Variants in RALGAPB observed in about 807,000 individuals in gnomAD.
The protein encoded by RALGAPB is Ral GTPase activating protein non-catalytic subunit beta.
RALGAPB carries 25 observed loss-of-function variants against 161.1 expected under a neutral mutation model. That is an observed-to-expected ratio of 0.16 (90% confidence interval 0.11 to 0.22). RALGAPB has a LOEUF of 0.22. Ranked by LOEUF, RALGAPB falls within the 10% of genes least tolerant of loss-of-function variation. RALGAPB has a pLI of 1.00. For missense variants in RALGAPB, 1,391 were observed against 1,815.2 expected (o/e 0.77, Z 4.25); for synonymous variants, 629 against 626.1 (o/e 1.00, Z -0.07).
At chr20:38,490,680 A>T (rs1359923508) in intron 2 of RALGAPB, among the ~76,000 whole-genome samples, 1 of 147,420 alleles carries the variant, frequency 6.8e-6, no homozygotes, top group Non-Finnish European at 1.5e-5. Context: ...CTAATTTTGT[A>T]TTTTTTTTAG....
At chr20:38,500,767 A>G (rs1165642654) in intron 5 of RALGAPB, among the ~76,000 whole-genome samples, 2 of 152,244 alleles carry the variant, frequency 1.3e-5, no homozygotes, top group Non-Finnish European at 2.9e-5. Flanking sequence ...GAAGGAAATT[A>G]AACATGCTAC....
chr20:38,515,599 A>G (rs2086100838), intron 6 of RALGAPB, among the ~76,000 whole-genome samples: 1 of 152,260 alleles, frequency 6.6e-6, no homozygotes, highest in African/African-American at 2.4e-5. Context: ...TAAAACTATT[A>G]ACACTAATCC....
intron 5 of RALGAPB, among the ~76,000 whole-genome samples, chr20:38,502,581 T>C (rs2085627472): frequency 6.6e-6 from 1 of 151,964 alleles, no homozygotes; most frequent in African/African-American, 2.4e-5. Context: ...ATGTGTTTTC[T>C]CTTTTATATG....
At chr20:38,515,696 T>G (rs545033781) in intron 6 of RALGAPB, among the ~76,000 whole-genome samples, 9 of 152,212 alleles carry the variant, frequency 5.9e-5, no homozygotes, top group Non-Finnish European at 1.3e-4. Flanking sequence ...TTGACATATT[T>G]ATAGCTTTAC....
intron 25 of RALGAPB, among the ~76,000 whole-genome samples, 166 bp from the exon 26 acceptor site, chr20:38,566,930 T>C (rs1568984071): frequency 6.6e-6 from 1 of 152,226 alleles, no homozygotes; most frequent in Admixed American, 6.5e-5. Context: ...AAGCCTAAAA[T>C]ACTTAGTACT....
At chr20:38,481,756 G>A (rs1267948646) in intron 1 of RALGAPB, among the ~76,000 whole-genome samples, 2 of 152,090 alleles carry the variant, frequency 1.3e-5, no homozygotes, top group Non-Finnish European at 2.9e-5. Context: ...CTTCTTCATG[G>A]TTTTAACACT....
intron 1 of RALGAPB, among the ~76,000 whole-genome samples, chr20:38,484,377 T>A (rs774348303): frequency 6.6e-6 from 1 of 152,172 alleles, no homozygotes; most frequent in Non-Finnish European, 1.5e-5. Flanking sequence ...TTGGGGTGAC[T>A]TCTGGGGCAC....
chr20:38,563,846 C>T (rs940944977), intron 24 of RALGAPB, among the ~76,000 whole-genome samples: 2 of 152,154 alleles, frequency 1.3e-5, no homozygotes, highest in Non-Finnish European at 2.9e-5. Flanking sequence ...TTTAGCTTTG[C>T]TCTCCATATT....
intron 6 of RALGAPB, among the ~76,000 whole-genome samples, chr20:38,512,274 A>G (rs980948985): frequency 6.6e-6 from 1 of 152,240 alleles, no homozygotes; most frequent in South Asian, 2.1e-4. Context: ...ATATGGGCAC[A>G]TATCTGCAAA....
chr20:38,475,452 T>C lies in RALGAPB; in HGVS notation c.-31+2383T>C, dbSNP rs569065399. ...CAATAATTCAGATTGGATTTGTTCT[T>C]GGTTGGTCTTAAAACCATGTAAGGA... is the stretch of plus-strand genomic sequence containing the variant. On this transcript the variant is annotated intron_variant, in intron 1 of 29. Coordinates refer to ENST00000262879, the MANE Select transcript of RALGAPB (RefSeq NM_020336.4). Among the ~76,000 whole-genome samples the C allele has an allele frequency of 3.3e-5, 5 of 152,322 alleles. No individual in the cohort carries two copies. The South Asian group carries it at 8.3e-4, about 25-fold the overall frequency.
intron 18 of RALGAPB, among the ~76,000 whole-genome samples, chr20:38,544,640 G>C (rs1257270758): frequency 1.3e-5 from 2 of 152,038 alleles, no homozygotes; most frequent in African/African-American, 2.4e-5. Flanking sequence ...GCTAATTTTT[G>C]TATTTTTAGT....
chr20:38,499,583 C>T lies in RALGAPB; in HGVS notation c.690C>T (p.His230=). 1 of 1,613,874 alleles carries T rather than the reference C, an allele frequency of 6.2e-7. No homozygotes were observed. Among genetic ancestry groups the T allele is most frequent in the South Asian group, 1.1e-5 (1 of 91,062 alleles). Residue 230 remains histidine (H), a synonymous_variant, in exon 5 of 30, where the codon CAC becomes CAT. Transcript: ENST00000262879. Reference sequence around the variant, plus strand: ...AGATGGTGGCTAACTGGAGGCATCACCCAGCAGTGGTGGAGCAGTGGAGCA... The same window carrying T: ...AGATGGTGGCTAACTGGAGGCATCATCCAGCAGTGGTGGAGCAGTGGAGCA... ...AKEMVANWRH[H]PAVVEQWSKV... is the part of the protein sequence containing the mutation.
intron 5 of RALGAPB, among the ~76,000 whole-genome samples, chr20:38,508,445 C>CA (rs2085834051): frequency 6.6e-6 from 1 of 152,064 alleles, no homozygotes; most frequent in Admixed American, 6.5e-5. Flanking sequence ...AAATGTCCCA[C>CA]AGAGCACATG....
chr20:38,570,724 GAAA>G (rs1386276782), intron 27 of RALGAPB, 42 bp from the exon 28 acceptor site: 23 of 1,249,770 alleles, frequency 1.8e-5, no homozygotes, highest in Non-Finnish European at 2.7e-5. Context: ...ATCTGTTTGG[GAAA>G]ATGAGGGAGA....
chr20:38,544,438 C>T (rs1454507287), intron 18 of RALGAPB, among the ~76,000 whole-genome samples: 1 of 151,898 alleles, frequency 6.6e-6, no homozygotes, highest in African/African-American at 2.4e-5. Context: ...GAGCCTCTTA[C>T]AGGTGGTTTA....
At chr20:38,574,674 T>C (rs750275961) in intron 29 of RALGAPB, 100 bp from the exon 30 acceptor site, 22 of 1,193,492 alleles carry the variant, frequency 1.8e-5, no homozygotes, top group Admixed American at 4.0e-5. Context: ...TTGAATGAAA[T>C]AGTTTTGAGT....
intron 2 of RALGAPB, among the ~76,000 whole-genome samples, chr20:38,489,836 C>T (rs766150555): frequency 1.3e-5 from 2 of 152,090 alleles, no homozygotes; most frequent in Non-Finnish European, 2.9e-5. Context: ...GATTTATCCC[C>T]GAGGACTAGC....
intron 1 of RALGAPB, among the ~76,000 whole-genome samples, chr20:38,483,462 T>A (rs776977541): frequency 1.3e-5 from 2 of 152,204 alleles, no homozygotes; most frequent in Non-Finnish European, 2.9e-5. Context: ...CACTTCCCCA[T>A]CTTATATGTA....
At chr20:38,569,750 T>A in intron 26 of RALGAPB, 138 bp from the exon 27 acceptor site, 1 of 639,082 alleles carries the variant, frequency 1.6e-6, no homozygotes, top group Non-Finnish European at 2.8e-6. Flanking sequence ...ATGTATACAC[T>A]TTTTCCTAAA....
Sources: allele counts gnomAD v4.1 joint callset (sites outside exome capture counted in the v4.1 genomes callset), GRCh38; gene constraint gnomAD v4.1.1; transcripts MANE v1.5; gene names NCBI Gene and HGNC (gene_info 2026-07-23, HGNC 2026-07-21).